Variants in SOX6 observed in about 807,000 individuals in gnomAD.
The protein encoded by SOX6 is transcription factor SOX-6.
In SOX6, 11 loss-of-function variants were observed where a neutral mutation model predicts 97.8. The ratio of observed to expected loss-of-function variants is 0.11; its 90% CI spans 0.07 to 0.19. The LOEUF (loss-of-function observed/expected upper bound fraction) is 0.19, where lower values mean the gene tolerates loss of function less well. Ranked by LOEUF, SOX6 falls within the 10% of genes least tolerant of loss-of-function variation. The pLI is 1.00. For missense variants in SOX6, 810 were observed against 1,039.5 expected (o/e 0.78, Z 3.04); for synonymous variants, 360 against 371.4 (o/e 0.97, Z 0.35).
At position 16,310,407 on chromosome 11, in the gene SOX6, A is replaced by G. The variant is rs1195144320; in HGVS notation, c.445+8039T>C. Among the ~76,000 whole-genome samples, 7 of 152,238 alleles carry G rather than the reference A, an allele frequency of 4.6e-5. No individual in the cohort carries two copies. The East Asian group carries it at 1.3e-3, about 29-fold the overall frequency. ...AAACCAATAGTTCTAGCTCCTCAAT[A>G]TAATCCCTAAATATCATTGTACAAA... is the stretch of plus-strand genomic sequence containing the variant. On this transcript the variant is annotated intron_variant, in intron 3 of 15. Coordinates refer to ENST00000683767, the MANE Select transcript of SOX6 (RefSeq NM_001367873.1).
intron 4 of SOX6, among the ~76,000 whole-genome samples, chr11:16,552,613 C>G (rs1442106133): frequency 6.6e-6 from 1 of 152,124 alleles, no homozygotes; most frequent in African/African-American, 2.4e-5. Context: ...ATATTGCTAC[C>G]CATGACACTT....
At chr11:16,331,558 G>T (rs1297652192) in intron 2 of SOX6, among the ~76,000 whole-genome samples, 1 of 152,060 alleles carries the variant, frequency 6.6e-6, no homozygotes, top group Admixed American at 6.6e-5. Flanking sequence ...CATATGGTGG[G>T]CTACCAAGAA....
At chr11:16,176,097 A>C (rs1017577240) in intron 6 of SOX6, among the ~76,000 whole-genome samples, 3 of 151,320 alleles carry the variant, frequency 2.0e-5, no homozygotes, top group Admixed American at 6.6e-5. Context: ...GGATGGATGG[A>C]TGGATGGATG....
chr11:16,321,678 C>T (rs1238704032), intron 2 of SOX6, among the ~76,000 whole-genome samples: 1 of 152,070 alleles, frequency 6.6e-6, no homozygotes, highest in Non-Finnish European at 1.5e-5. Context: ...AGTGGCTCAA[C>T]ACTACCAAGC....
At chr11:16,321,279 A>AC (rs1253370117) in intron 2 of SOX6, among the ~76,000 whole-genome samples, 1 of 150,944 alleles carries the variant, frequency 6.6e-6, no homozygotes, top group African/African-American at 2.4e-5. Flanking sequence ...AAAAAAAAAA[A>AC]CCCTGACTCA....
chr11:16,192,068 C>T (rs991215053), intron 4 of SOX6, among the ~76,000 whole-genome samples: 2 of 152,046 alleles, frequency 1.3e-5, no homozygotes, highest in African/African-American at 4.8e-5. Context: ...AGCCCACAGC[C>T]CCATTCACAG....
chr11:16,020,200 G>A (rs1855011060), intron 12 of SOX6, among the ~76,000 whole-genome samples: 1 of 151,994 alleles, frequency 6.6e-6, no homozygotes, highest in Non-Finnish European at 1.5e-5. Flanking sequence ...CTCTGTCCAG[G>A]CGATGATCCA....
chr11:16,012,155 C>T (rs1048285757), intron 13 of SOX6, among the ~76,000 whole-genome samples: 1 of 151,880 alleles, frequency 6.6e-6, no homozygotes, highest in African/African-American at 2.4e-5. Flanking sequence ...TTTAGTTATT[C>T]TGATACTTTA....
intron 4 of SOX6, among the ~76,000 whole-genome samples, chr11:16,525,101 G>T (rs1014190577): frequency 9.2e-5 from 14 of 152,026 alleles, no homozygotes; most frequent in East Asian, 5.8e-4. Flanking sequence ...AAGCTACCAA[G>T]GACTTTCTTC....
At chr11:16,396,083 C>G (rs990728113) in intron 1 of SOX6, among the ~76,000 whole-genome samples, 6 of 151,608 alleles carry the variant, frequency 4.0e-5, no homozygotes, top group African/African-American at 1.5e-4. Flanking sequence ...GTTTCCTGAG[C>G]CTTTATTCGC....
chr11:16,064,212 A>G (rs1207877702), intron 9 of SOX6, among the ~76,000 whole-genome samples: 1 of 151,726 alleles, frequency 6.6e-6, no homozygotes, highest in Non-Finnish European at 1.5e-5. Context: ...GATAAGATAA[A>G]AAGAAGAACT....
chr11:16,456,107 G>A (rs1590210695), intron 1 of SOX6, among the ~76,000 whole-genome samples: 1 of 152,042 alleles, frequency 6.6e-6, no homozygotes, highest in Non-Finnish European at 1.5e-5. Context: ...AGTCCAGGGG[G>A]CTATGAACCT....
chr11:16,398,158 C>G (rs1260347420), intron 1 of SOX6, among the ~76,000 whole-genome samples: 4 of 151,582 alleles, frequency 2.6e-5, no homozygotes, highest in Non-Finnish European at 4.4e-5. Flanking sequence ...CCAAGTGATT[C>G]TTACATACCT....
intron 6 of SOX6, among the ~76,000 whole-genome samples, chr11:16,131,447 A>G (rs1849736852): frequency 6.6e-6 from 1 of 152,070 alleles, no homozygotes; most frequent in Admixed American, 6.6e-5. Context: ...AAGGATTAAT[A>G]ATGCCAAGTG....
At chr11:16,638,667 CAGT>C (rs1360637910) in intron 3 of SOX6, among the ~76,000 whole-genome samples, 1 of 152,156 alleles carries the variant, frequency 6.6e-6, no homozygotes, top group Admixed American at 6.5e-5. Flanking sequence ...CTCTGATGGC[CAGT>C]GATGATGAGC....
At chr11:16,717,832 A>T (rs1286087200) in intron 2 of SOX6, among the ~76,000 whole-genome samples, 1 of 151,660 alleles carries the variant, frequency 6.6e-6, no homozygotes, top group African/African-American at 2.4e-5. Context: ...CGTTTCCTTC[A>T]GACTTTAAAA....
chr11:16,681,735 A>G (rs1004050170), intron 3 of SOX6, among the ~76,000 whole-genome samples: 1 of 152,218 alleles, frequency 6.6e-6, no homozygotes, highest in African/African-American at 2.4e-5. Flanking sequence ...AAAGAAGAAA[A>G]GAGAGAAGAA....
intron 6 of SOX6, among the ~76,000 whole-genome samples, chr11:16,137,278 T>C (rs1849992297): frequency 6.6e-6 from 1 of 151,884 alleles, no homozygotes; most frequent in African/African-American, 2.4e-5. Context: ...TACAAAAAAT[T>C]AGCTGGACAT....
chr11:16,449,686 T>C (rs1859684984), intron 1 of SOX6, among the ~76,000 whole-genome samples: 1 of 152,176 alleles, frequency 6.6e-6, no homozygotes, highest in African/African-American at 2.4e-5. Flanking sequence ...ATGAAGATCA[T>C]CACATCCTTC....
Sources: allele counts gnomAD v4.1 joint callset (sites outside exome capture counted in the v4.1 genomes callset), GRCh38; gene constraint gnomAD v4.1.1; transcripts MANE v1.5; gene names NCBI Gene and HGNC (gene_info 2026-07-23, HGNC 2026-07-21).